Variants in ATP9A observed in about 807,000 individuals in gnomAD.
ATP9A encodes ATPase phospholipid transporting 9A.
Under a neutral mutation model 144.1 loss-of-function variants are expected in ATP9A, and 52 were observed. That is an observed-to-expected ratio of 0.36 (90% CI 0.29 to 0.45). ATP9A has a LOEUF of 0.45. ATP9A is among the 20% of genes least tolerant of loss of function. The probability of loss-of-function intolerance (pLI) is 1.00; values close to 1 mark genes in which losing one functional copy is unlikely to be tolerated. For missense variants in ATP9A, 947 were observed against 1,392.7 expected (o/e 0.68, Z 5.09); for synonymous variants, 582 against 557.4 (o/e 1.04, Z -0.62).
intron 23 of ATP9A, among the ~76,000 whole-genome samples, chr20:51,610,455 T>C (rs1251220777): frequency 6.6e-6 from 1 of 151,976 alleles, no homozygotes; most frequent in African/African-American, 2.4e-5. Flanking sequence ...CATTCCCGGG[T>C]AGGGTGATGT....
In ATP9A at chr20:51,725,943, G is replaced by C. The variant is rs751880659; in HGVS notation, c.214-11C>G. On this transcript the variant is annotated splice_polypyrimidine_tract_variant and intron_variant, in intron 2 of 27. Transcript: ENST00000338821. ...CTGGTTGAACAGCACCTGGAATGGAGGGAGACAACAGAGAAAGACATTCAG... is the reference window on the plus strand; with the variant it reads ...CTGGTTGAACAGCACCTGGAATGGACGGAGACAACAGAGAAAGACATTCAG... The C allele has an allele frequency of 2.0e-6, 3 of 1,483,486 alleles. No individual in the cohort carries two copies. The highest frequency in any genetic ancestry group is 1.1e-5 in the South Asian group (1 of 88,268). The allele number at this position is 1,483,486 out of a possible 1,614,324, so 91.9% of individuals were successfully genotyped here. A position where few individuals can be genotyped will look rare whatever the true frequency, so the allele number is the denominator to read the frequency against.
chr20:51,643,071 T>C (rs6067861), intron 14 of ATP9A, among the ~76,000 whole-genome samples: 69,736 of 151,728 alleles, frequency 0.46, 17,524 homozygotes, highest in East Asian at 0.8. Flanking sequence ...CTTAGTCTAC[T>C]ATGCTCAGAT....
chr20:51,739,956 G>C (rs940767209), intron 1 of ATP9A, among the ~76,000 whole-genome samples: 3 of 152,216 alleles, frequency 2.0e-5, no homozygotes, highest in Non-Finnish European at 2.9e-5. Flanking sequence ...ATAGCCTTGA[G>C]AGACTGCAAA....
intron 11 of ATP9A, among the ~76,000 whole-genome samples, chr20:51,672,427 T>C (rs542565143): frequency 1.1e-4 from 17 of 152,174 alleles, no homozygotes; most frequent in Admixed American, 3.9e-4. Flanking sequence ...TTTTTAATCA[T>C]GTTACATGTA....
chr20:51,663,242 A>G (rs2077418387), intron 13 of ATP9A, among the ~76,000 whole-genome samples: 1 of 152,186 alleles, frequency 6.6e-6, no homozygotes, highest in African/African-American at 2.4e-5. Flanking sequence ...AAGAAAACAG[A>G]GACAGAGAGA....
intron 16 of ATP9A, 62 bp from the exon 17 acceptor site, chr20:51,627,745 G>A: frequency 2.9e-6 from 4 of 1,384,594 alleles, no homozygotes; most frequent in Non-Finnish European, 3.1e-6. Flanking sequence ...CACTGGGGAA[G>A]GACCAGTGCC....
At chr20:51,638,079 A>T (rs1412633614) in intron 15 of ATP9A, among the ~76,000 whole-genome samples, 2 of 19,356 alleles carry the variant, frequency 1.0e-4, no homozygotes, top group African/African-American at 4.5e-4. Flanking sequence ...TTTTATATAT[A>T]TATATATATA....
At chr20:51,691,434 A>G (rs1023238547) in intron 7 of ATP9A, among the ~76,000 whole-genome samples, 1 of 152,226 alleles carries the variant, frequency 6.6e-6, no homozygotes, top group Non-Finnish European at 1.5e-5. Flanking sequence ...GCGCCACTGC[A>G]TTCCAGCCTG....
At chr20:51,661,041 C>A (rs2077408414) in intron 13 of ATP9A, among the ~76,000 whole-genome samples, 1 of 152,164 alleles carries the variant, frequency 6.6e-6, no homozygotes. Context: ...GAATTAAGAT[C>A]TCCAAATACA....
chr20:51,726,025 T>A, intron 2 of ATP9A, 93 bp from the exon 3 acceptor site: 1 of 801,770 alleles, frequency 1.2e-6, no homozygotes. Flanking sequence ...TCTAAAAACA[T>A]TCCTGCAGCC....
chr20:51,718,832 A>C (rs2077675008), intron 3 of ATP9A, among the ~76,000 whole-genome samples: 1 of 123,912 alleles, frequency 8.1e-6, no homozygotes, highest in African/African-American at 3.0e-5. Flanking sequence ...AAAAAAAAAA[A>C]AAAAAAAAAA....
At chr20:51,714,538 T>C (rs1388565159) in intron 3 of ATP9A, among the ~76,000 whole-genome samples, 2 of 152,180 alleles carry the variant, frequency 1.3e-5, no homozygotes, top group African/African-American at 2.4e-5. Flanking sequence ...CACCTAATTT[T>C]TGTATTTTTA....
chr20:51,610,104 A>C lies in ATP9A; in HGVS notation c.2633T>G (p.Ile878Ser). 1 of 1,594,694 alleles carries C rather than the reference A, an allele frequency of 6.3e-7. No homozygotes were observed. Among genetic ancestry groups the C allele is most frequent in the Non-Finnish European group, 8.6e-7 (1 of 1,162,368 alleles). ...TTCCTTGGCAGGATTTCCTTACCCA[A>C]TGATGAGGAATCCTTGATAGAGAGG... ...SVPLYQGFLIIGYSTIYTMFP... is the reference protein window; with the variant it reads ...SVPLYQGFLISGYSTIYTMFP... Residue 878 changes from isoleucine (I) to serine (S), a missense_variant, in exon 24 of 28, where the codon ATT (isoleucine) becomes AGT (serine). Around this residue, in one of 2 missense-constraint regions of ATP9A, gnomAD observed 177 missense variants for 344.9 expected, o/e 0.51. Coordinates refer to ENST00000338821, the MANE Select transcript of ATP9A (RefSeq NM_006045.3).
rs528603459 is a variant in ATP9A at position 51,704,315 on chromosome 20, CA to C, written c.437-6834del. On this transcript the variant is annotated intron_variant, in intron 4 of 27. Transcript: ENST00000338821. ...ATGATGAAGTAGACGAACACCCTTACAGGGGGGAAATAAATACCTTTTGGGA... is the reference window on the plus strand; with the variant it reads ...ATGATGAAGTAGACGAACACCCTTACGGGGGGAAATAAATACCTTTTGGGA... 1.5e-4 allele frequency among the ~76,000 whole-genome samples: 23 copies of C among 150,796 alleles called. No individual in the cohort carries two copies. The South Asian group carries it at 4.8e-3, about 32-fold the overall frequency.
chr20:51,753,743 T>C (rs2077843590), intron 1 of ATP9A, among the ~76,000 whole-genome samples: 1 of 150,672 alleles, frequency 6.6e-6, no homozygotes, highest in Non-Finnish European at 1.5e-5. Context: ...CTCGACTCAC[T>C]GCAACCTCCG....
chr20:51,763,800 C>G (rs1005117110), intron 1 of ATP9A, among the ~76,000 whole-genome samples: 1 of 152,112 alleles, frequency 6.6e-6, no homozygotes, highest in Non-Finnish European at 1.5e-5. Flanking sequence ...TGGCCACCCA[C>G]AAAACGTAGA....
chr20:51,707,091 C>T (rs1414302335), intron 4 of ATP9A, among the ~76,000 whole-genome samples: 1 of 152,210 alleles, frequency 6.6e-6, no homozygotes, highest in African/African-American at 2.4e-5. Context: ...TTGCATTCGA[C>T]TTGATGCTCT....
chr20:51,702,216 T>C (rs1450035510), intron 4 of ATP9A, among the ~76,000 whole-genome samples: 3 of 151,436 alleles, frequency 2.0e-5, no homozygotes, highest in Admixed American at 2.0e-4. Context: ...GGAGAATCGC[T>C]TGAACCTGCA....
intron 1 of ATP9A, among the ~76,000 whole-genome samples, chr20:51,756,583 GC>G (rs1475401601): frequency 6.6e-6 from 1 of 152,026 alleles, no homozygotes; most frequent in Non-Finnish European, 1.5e-5. Flanking sequence ...GAGCCACCAT[GC>G]CCAGCCTCTC....
Sources: gnomAD v4.1 joint callset for allele counts (sites outside exome capture counted in the v4.1 genomes callset) on GRCh38, gnomAD v4.1.1 for gene constraint, gnomAD v4.1.1 regional missense constraint, MANE v1.5 for transcripts, NCBI Gene and HGNC (gene_info 2026-07-23, HGNC 2026-07-21) for gene names.